Variants in KAZN observed in about 807,000 individuals in gnomAD.
KAZN encodes the protein kazrin.
A neutral mutation model predicts 87.4 loss-of-function variants in KAZN; 40 were observed. The observed-to-expected ratio is 0.46, with a 90% CI of 0.36 to 0.60. The LOEUF (loss-of-function observed/expected upper bound fraction) is 0.60. Ranked by LOEUF, KAZN falls within the 20% of genes least tolerant of loss-of-function variation. KAZN has a pLI of 0.00. For missense variants in KAZN, 898 were observed against 1,073.9 expected (o/e 0.84, Z 2.29); for synonymous variants, 466 against 458.3 (o/e 1.02, Z -0.22).
chr1:14,499,004 T>C (rs571479574), intron 2 of KAZN, among the ~76,000 whole-genome samples: 1 of 152,226 alleles, frequency 6.6e-6, no homozygotes, highest in Non-Finnish European at 1.5e-5. Flanking sequence ...AACAGTTCCC[T>C]CGTTAAACCC....
At chr1:13,988,270 A>C (rs1330475168) in intron 1 of KAZN, among the ~76,000 whole-genome samples, 1 of 152,226 alleles carries the variant, frequency 6.6e-6, no homozygotes, top group Non-Finnish European at 1.5e-5. Context: ...ATATTTAAGC[A>C]GTAAATAGTA....
intron 1 of KAZN, among the ~76,000 whole-genome samples, chr1:13,959,343 C>G (rs6676708): frequency 6.6e-6 from 1 of 152,068 alleles, no homozygotes; most frequent in African/African-American, 2.4e-5. Flanking sequence ...ATTGCAGTAG[C>G]TCACAGGAAC....
intron 13 of KAZN, among the ~76,000 whole-genome samples, chr1:15,105,192 G>C (rs2100725719): frequency 6.6e-6 from 1 of 152,328 alleles, no homozygotes; most frequent in Non-Finnish European, 1.5e-5. Context: ...GAATTGGGAA[G>C]TATTCTCTCC....
intron 2 of KAZN, among the ~76,000 whole-genome samples, chr1:14,291,148 A>G (rs1653656748): frequency 1.3e-5 from 2 of 152,194 alleles, no homozygotes; most frequent in Non-Finnish European, 1.5e-5. Context: ...TCAGGGACCC[A>G]CTTGAGGAGG....
chr1:14,273,031 G>A (rs1405752114), intron 2 of KAZN, among the ~76,000 whole-genome samples: 5 of 152,206 alleles, frequency 3.3e-5, no homozygotes, highest in Admixed American at 1.3e-4. Flanking sequence ...GAGAGGAAAC[G>A]ACTTGCCCAA....
At chr1:13,968,544 C>T (rs1642024875) in intron 1 of KAZN, among the ~76,000 whole-genome samples, 1 of 152,216 alleles carries the variant, frequency 6.6e-6, no homozygotes, top group South Asian at 2.1e-4. Context: ...CACTTCCTAT[C>T]TACTTCCGCA....
chr1:15,114,515 CGA>C lies in KAZN; in HGVS notation c.2209_2210del (p.Asp737PhefsTer3). The C allele has an allele frequency of 6.2e-7, 1 of 1,611,972 alleles. No individual in the cohort carries two copies. On this transcript the variant is annotated frameshift_variant, in exon 15 of 15. Transcript: ENST00000376030. LOFTEE classifies it high-confidence loss of function. The stretch of plus-strand genomic sequence containing the variant: ...GAAGGGGCTTCAGCAGCAAAGATCC[CGA>C]TTTCCATGATGACTATGGCTCTCTT... ...IGRGFSSKDP[D>X]FHDDYGSLQN... is the part of the protein sequence containing the mutation.
At position 14,810,042 on chromosome 1, in the gene KAZN, C is replaced by T. The variant is rs1572542649; in HGVS notation, c.227-150642C>T. On this transcript the variant is annotated intron_variant, in intron 1 of 14. Transcript: ENST00000376030. ...GCATTATAGATGTTTAGCAGGATTC[C>T]TGGCCTGTACCCTACTAGACCCCAC... Among the ~76,000 whole-genome samples the T allele has an allele frequency of 2.0e-5, 3 of 152,140 alleles. No individual in the cohort carries two copies. In the South Asian group the frequency reaches 6.2e-4, roughly 32 times the overall value.
intron 1 of KAZN, among the ~76,000 whole-genome samples, chr1:14,090,993 T>C (rs188693641): frequency 1.2e-3 from 179 of 150,928 alleles, no homozygotes; most frequent in African/African-American, 4.2e-3. Context: ...ATGCCTGTAA[T>C]CCCAGCTACT....
At position 14,916,170 on chromosome 1, in the gene KAZN, C is replaced by CTTTTTTT. The variant is rs71307000; in HGVS notation, c.227-44501_227-44495dup. ...TATTTGTAGTATTTTCACTGTTGTT[C>CTTTTTTT]TTTTTTTTTTTTTTTTTTTGACAGA... On this transcript the variant is annotated intron_variant, in intron 1 of 14. Coordinates refer to ENST00000376030, the MANE Select transcript of KAZN (RefSeq NM_201628.3). Among the ~76,000 whole-genome samples, 29 of 113,568 alleles carry CTTTTTTT rather than the reference C, an allele frequency of 2.6e-4. 1 individual carries two copies. Among genetic ancestry groups the CTTTTTTT allele is most frequent in the East Asian group, 5.0e-4 (2 of 4,014 alleles). 74.5% of individuals were successfully genotyped at this position (113,568 alleles called of 152,430 possible).
At chr1:14,398,961 G>GA (rs1160474472) in intron 2 of KAZN, among the ~76,000 whole-genome samples, 1 of 152,070 alleles carries the variant, frequency 6.6e-6, no homozygotes, top group East Asian at 1.9e-4. Context: ...CCGATCCCCT[G>GA]AATCTCCCCA....
At chr1:14,440,789 C>A (rs1214222681) in intron 2 of KAZN, among the ~76,000 whole-genome samples, 1 of 152,190 alleles carries the variant, frequency 6.6e-6, no homozygotes, top group Non-Finnish European at 1.5e-5. Context: ...GTCCTGGTCA[C>A]CTGTGACATT....
chr1:14,082,317 G>A (rs1350341554), intron 1 of KAZN, among the ~76,000 whole-genome samples: 3 of 152,254 alleles, frequency 2.0e-5, no homozygotes, highest in African/African-American at 7.2e-5. Context: ...CTTACTGCAT[G>A]TCCTCTTCTT....
intron 1 of KAZN, among the ~76,000 whole-genome samples, chr1:14,716,415 G>A (rs1483648499): frequency 6.6e-6 from 1 of 152,186 alleles, no homozygotes; most frequent in Non-Finnish European, 1.5e-5. Context: ...CATGCAGTCA[G>A]TTGAGCAGAT....
chr1:14,538,325 A>T (rs1672617236), intron 2 of KAZN, among the ~76,000 whole-genome samples: 1 of 152,200 alleles, frequency 6.6e-6, no homozygotes, highest in Non-Finnish European at 1.5e-5. Context: ...ATCTCACTAG[A>T]GGGAGTGTGT....
In KAZN at chr1:14,599,190, A is replaced by C; in HGVS notation, c.193A>C (p.Thr65Pro). 7.2e-7 allele frequency: 1 copy of C among 1,393,132 alleles called. No individual in the cohort carries two copies. Among genetic ancestry groups the C allele is most frequent in the Non-Finnish European group, 9.3e-7 (1 of 1,075,564 alleles). 86.3% of individuals were successfully genotyped at this position (1,393,132 alleles called of 1,614,324 possible). A position where few individuals can be genotyped will look rare whatever the true frequency, so the allele number is the denominator to read the frequency against. Reference protein sequence around the residue: ...SASAAGDSAATNMENPQLGAQ... With the variant: ...SASAAGDSAAPNMENPQLGAQ... ...CTCGGCGGCGGGGGACTCGGCGGCGACGAACATGGAGAACCCCCAGCTTGG... is the reference window on the plus strand; with the variant it reads ...CTCGGCGGCGGGGGACTCGGCGGCGCCGAACATGGAGAACCCCCAGCTTGG... The change falls in exon 1 of 15, where the codon ACG (threonine) becomes CCG (proline). Residue 65 changes from threonine (T) to proline (P), a missense_variant. By Grantham distance (38) the Thr-to-Pro change is conservative (BLOSUM62 -1). Around this residue, in one of 3 missense-constraint regions of KAZN, gnomAD observed 250 missense variants for 263.0 expected, o/e 0.95. Transcript: ENST00000376030. This position sits in a 1 kb window ranked among gnomAD's most constrained non-coding sequence, Gnocchi z 4.4.
At chr1:14,725,877 T>C (rs946694654) in intron 1 of KAZN, among the ~76,000 whole-genome samples, 1 of 152,224 alleles carries the variant, frequency 6.6e-6, no homozygotes, top group African/African-American at 2.4e-5. Flanking sequence ...TGCCAGTCCC[T>C]GGACCACCCT....
At chr1:14,351,606 C>T (rs1157574863) in intron 2 of KAZN, among the ~76,000 whole-genome samples, 1 of 152,084 alleles carries the variant, frequency 6.6e-6, no homozygotes, top group Non-Finnish European at 1.5e-5. Context: ...AAGACTTGGT[C>T]ATTATAAACA....
chr1:14,799,422 C>T (rs1315683341), intron 1 of KAZN, among the ~76,000 whole-genome samples: 1 of 152,216 alleles, frequency 6.6e-6, no homozygotes, highest in Non-Finnish European at 1.5e-5. Context: ...TTAAAGCTTT[C>T]ATTAGCTATG....
Sources: allele counts gnomAD v4.1 joint callset (sites outside exome capture counted in the v4.1 genomes callset), GRCh38; gene constraint gnomAD v4.1.1; regional missense constraint gnomAD v4.1.1; non-coding constraint Gnocchi (gnomAD v3.1); transcripts MANE v1.5; gene names NCBI Gene and HGNC (gene_info 2026-07-23, HGNC 2026-07-21).